LEF1: variants seen among roughly 807,000 people sequenced by gnomAD.
The protein encoded by LEF1 is lymphoid enhancer-binding factor 1.
Under a neutral mutation model 51.2 loss-of-function variants are expected in LEF1, and 14 were observed. The ratio of observed to expected loss-of-function variants is 0.27; its 90% CI spans 0.18 to 0.43. The LOEUF (loss-of-function observed/expected upper bound fraction) is 0.43. LEF1 is among the 20% of genes least tolerant of loss of function. The probability of loss-of-function intolerance (pLI) is 1.00; values close to 1 mark genes in which losing one functional copy is unlikely to be tolerated. For synonymous variants in LEF1, 185 were observed against 183.2 expected, an observed-to-expected ratio of 1.01 and a Z score of -0.08; for missense variants, 386 against 512.0, an observed-to-expected ratio of 0.75 and a Z score of 2.37.
intron 3 of LEF1, among the ~76,000 whole-genome samples, chr4:108,140,082 C>T (rs979744228): frequency 1.3e-5 from 2 of 152,146 alleles, no homozygotes; most frequent in African/African-American, 4.8e-5. Flanking sequence ...CACACACACT[C>T]CCCTCAATTT....
At chr4:108,116,694 G>T (rs1741866247) in intron 3 of LEF1, among the ~76,000 whole-genome samples, 1 of 152,174 alleles carries the variant, frequency 6.6e-6, no homozygotes, top group Non-Finnish European at 1.5e-5. Context: ...AGTATGTGGT[G>T]GGAGCCTGGA....
Position 108,048,392 on chromosome 4 carries a change from AG to A in LEF1, c.*365del, listed in dbSNP as rs1180965355. On this transcript the variant is annotated 3_prime_UTR_variant, in exon 12 of 12. Transcript: ENST00000265165. ...GTTACCGTCCTTGCCGAAAGGTTAC[AG>A]GTTTGGATGCAAGATGCTCTGGGAA... 2 of 255,968 alleles carry A rather than the reference AG, an allele frequency of 7.8e-6. No homozygotes were observed. Among genetic ancestry groups the A allele is most frequent in the Non-Finnish European group, 1.5e-5 (2 of 135,142 alleles). 15.9% of individuals were successfully genotyped at this position (255,968 alleles called of 1,614,324 possible).
chr4:108,125,118 A>G (rs1742441694), intron 3 of LEF1, among the ~76,000 whole-genome samples: 1 of 152,150 alleles, frequency 6.6e-6, no homozygotes, highest in African/African-American at 2.4e-5. Flanking sequence ...GCATTTATCA[A>G]TTCAATATAA....
intron 3 of LEF1, among the ~76,000 whole-genome samples, chr4:108,109,826 G>A (rs1454907300): frequency 6.6e-6 from 1 of 152,104 alleles, no homozygotes; most frequent in Non-Finnish European, 1.5e-5. Flanking sequence ...ATCATCAAGT[G>A]TCCCAGGCTG....
Position 108,047,671 on chromosome 4 carries a change from T to A in LEF1, c.*1087A>T, listed in dbSNP as rs1484573506. The A allele has an allele frequency of 1.3e-5, 2 of 152,636 alleles. No homozygotes were observed. The highest frequency in any genetic ancestry group is 2.9e-5 in the Non-Finnish European group (2 of 68,036). 9.5% of individuals were successfully genotyped at this position (152,636 alleles called of 1,614,324 possible). A position where few individuals can be genotyped will look rare whatever the true frequency, so the allele number is the denominator to read the frequency against. ...GGGCAAAGGCTGTGCCTTGCTTTTT[T>A]AAAAAATGGGTACATCAATGCTCAT... On this transcript the variant is annotated 3_prime_UTR_variant, in exon 12 of 12. Coordinates refer to ENST00000265165, the MANE Select transcript of LEF1 (RefSeq NM_016269.5).
chr4:108,051,165 G>T (rs1736964999), intron 11 of LEF1, among the ~76,000 whole-genome samples: 1 of 151,980 alleles, frequency 6.6e-6, no homozygotes, highest in African/African-American at 2.4e-5. Context: ...TATTCCATGG[G>T]GTCACCTTGC....
chr4:108,140,461 G>A (rs746162782), intron 3 of LEF1, among the ~76,000 whole-genome samples: 7 of 152,152 alleles, frequency 4.6e-5, no homozygotes, highest in South Asian at 2.1e-4. Context: ...CCCAGGGACC[G>A]GAGGGGATTG....
At chr4:108,142,990 T>C (rs1743767566) in intron 3 of LEF1, among the ~76,000 whole-genome samples, 1 of 152,230 alleles carries the variant, frequency 6.6e-6, no homozygotes, top group Admixed American at 6.5e-5. Flanking sequence ...GTTCTAAAAC[T>C]TATTGACATA....
intron 8 of LEF1, among the ~76,000 whole-genome samples, chr4:108,074,727 G>A (rs1463956523): frequency 2.0e-5 from 3 of 152,180 alleles, no homozygotes; most frequent in Non-Finnish European, 4.4e-5. Context: ...ATAGAAACAG[G>A]TGTCTAAATC....
chr4:108,080,009 C>A (rs1392187883), intron 6 of LEF1, among the ~76,000 whole-genome samples: 1 of 152,178 alleles, frequency 6.6e-6, no homozygotes, highest in Non-Finnish European at 1.5e-5. Flanking sequence ...GCTTCCTCAT[C>A]CATATTAGGA....
intron 11 of LEF1, among the ~76,000 whole-genome samples, chr4:108,049,994 T>A (rs909483409): frequency 1.3e-5 from 2 of 152,234 alleles, no homozygotes; most frequent in African/African-American, 4.8e-5. Flanking sequence ...GAGCAAGCCC[T>A]GCAAGCAGGT....
chr4:108,140,319 C>A (rs1743559900), intron 3 of LEF1, among the ~76,000 whole-genome samples: 1 of 152,296 alleles, frequency 6.6e-6, no homozygotes, highest in Admixed American at 6.5e-5. Flanking sequence ...GATAAAAATT[C>A]ATTGATGTTG....
At position 108,077,869 on chromosome 4, in the gene LEF1, G is replaced by C. The variant is rs1483818920; in HGVS notation, c.1008+351C>G. 2.6e-5 allele frequency among the ~76,000 whole-genome samples: 4 copies of C among 152,036 alleles called. No homozygotes were observed. In the South Asian group the frequency reaches 8.3e-4, roughly 32 times the overall value. On this transcript the variant is annotated intron_variant, in intron 8 of 11. Coordinates refer to ENST00000265165, the MANE Select transcript of LEF1 (RefSeq NM_016269.5). The stretch of plus-strand genomic sequence containing the variant: ...ATTAAAGTTTACTTTTTAATTAAAA[G>C]TTTTAAATTGGAAAAAAAAAATTAG...
At chr4:108,138,053 T>C (rs921507812) in intron 3 of LEF1, among the ~76,000 whole-genome samples, 7 of 152,168 alleles carry the variant, frequency 4.6e-5, no homozygotes, top group African/African-American at 1.7e-4. Flanking sequence ...ATGCAGCCTT[T>C]AGGATGACCC....
intron 3 of LEF1, among the ~76,000 whole-genome samples, chr4:108,107,994 A>T (rs1173221221): frequency 2.0e-5 from 3 of 152,208 alleles, no homozygotes; most frequent in South Asian, 4.1e-4. Flanking sequence ...ACAGTGCTAA[A>T]GCGGGCTAGA....
At chr4:108,057,213 A>G in intron 11 of LEF1, among the ~76,000 whole-genome samples, 1 of 152,028 alleles carries the variant, frequency 6.6e-6, no homozygotes, top group Admixed American at 6.6e-5. Flanking sequence ...TCATTTTTTC[A>G]CTTTCTAGTT....
intron 9 of LEF1, among the ~76,000 whole-genome samples, chr4:108,066,334 C>T (rs1330355119): frequency 1.3e-5 from 2 of 152,218 alleles, no homozygotes; most frequent in African/African-American, 2.4e-5. Flanking sequence ...CTTTCCCAAC[C>T]CTTCAACCCG....
intron 11 of LEF1, among the ~76,000 whole-genome samples, chr4:108,059,346 C>T (rs1428805281): frequency 6.6e-6 from 1 of 152,172 alleles, no homozygotes; most frequent in Non-Finnish European, 1.5e-5. Flanking sequence ...GTTTTTTGTT[C>T]TTACTTCATC....
intron 3 of LEF1, among the ~76,000 whole-genome samples, chr4:108,162,603 C>T (rs751146521): frequency 6.6e-6 from 1 of 152,108 alleles, no homozygotes; most frequent in Non-Finnish European, 1.5e-5. Flanking sequence ...TTCCATTTTA[C>T]AATCTGAGAT....
Sources: allele counts gnomAD v4.1 joint callset (sites outside exome capture counted in the v4.1 genomes callset), GRCh38; gene constraint gnomAD v4.1.1; transcripts MANE v1.5; gene names NCBI Gene and HGNC (gene_info 2026-07-23, HGNC 2026-07-21).